The following NRXN3 variants were observed in gnomAD, a reference collection of about 807,000 sequenced individuals.
NRXN3 encodes the protein neurexin 3.
A neutral mutation model predicts 137.6 loss-of-function variants in NRXN3; 32 were observed. The observed-to-expected ratio is 0.23, with a 90% CI of 0.18 to 0.31. The LOEUF (loss-of-function observed/expected upper bound fraction) is 0.31. NRXN3 is among the 10% of genes least tolerant of loss of function. The pLI is 1.00. For synonymous variants in NRXN3, 798 were observed against 784.5 expected, an observed-to-expected ratio of 1.02 and a Z score of -0.29; for missense variants, 1,574 against 2,062.5, an observed-to-expected ratio of 0.76 and a Z score of 4.59.
intron 7 of NRXN3, among the ~76,000 whole-genome samples, chr14:78,711,249 C>A (rs955939459): frequency 6.6e-5 from 10 of 151,900 alleles, no homozygotes; most frequent in Admixed American, 2.0e-4. Context: ...CTAAAACACA[C>A]AAAATTGCCA....
chr14:78,840,158 A>T (rs2099008174), intron 10 of NRXN3, among the ~76,000 whole-genome samples: 1 of 152,186 alleles, frequency 6.6e-6, no homozygotes. Context: ...ATTAAGTAGG[A>T]ATGGACATAA....
intron 15 of NRXN3, among the ~76,000 whole-genome samples, chr14:79,307,841 G>T: frequency 6.9e-6 from 1 of 145,930 alleles, no homozygotes; most frequent in African/African-American, 2.5e-5. Context: ...GTCTTCTTTT[G>T]GTCAAGCCAT....
intron 4 of NRXN3, among the ~76,000 whole-genome samples, chr14:78,503,049 T>C (rs1364625421): frequency 6.6e-6 from 1 of 152,178 alleles, no homozygotes. Flanking sequence ...CCATATTATT[T>C]TATATTAAAC....
chr14:78,523,213 A>G (rs2096311453), intron 4 of NRXN3, among the ~76,000 whole-genome samples: 1 of 152,156 alleles, frequency 6.6e-6, no homozygotes, highest in Admixed American at 6.5e-5. Context: ...AACAAATACC[A>G]TTTGTGCCTC....
At chr14:79,822,427 C>G (rs2099275394) in intron 20 of NRXN3, among the ~76,000 whole-genome samples, 1 of 152,118 alleles carries the variant, frequency 6.6e-6, no homozygotes, top group African/African-American at 2.4e-5. Flanking sequence ...TTTACAAAAG[C>G]AGCATTTTGT....
chr14:78,612,880 G>C (rs948519407), intron 4 of NRXN3, among the ~76,000 whole-genome samples: 2 of 151,622 alleles, frequency 1.3e-5, no homozygotes, highest in Non-Finnish European at 2.9e-5. Context: ...AGGAAAACCA[G>C]CTGCTAAAAT....
chr14:79,580,515 GAT>G (rs2097705195), intron 16 of NRXN3, among the ~76,000 whole-genome samples: 1 of 151,832 alleles, frequency 6.6e-6, no homozygotes, highest in South Asian at 2.1e-4. Flanking sequence ...CCTAGGGTAG[GAT>G]ATATTCTGAG....
chr14:78,878,899 C>T (rs2099120637), intron 10 of NRXN3, among the ~76,000 whole-genome samples: 1 of 152,082 alleles, frequency 6.6e-6, no homozygotes. Context: ...TCTACTCTCT[C>T]CTGCTATGAG....
At chr14:79,015,934 C>T (rs1214490805) in intron 15 of NRXN3, among the ~76,000 whole-genome samples, 1 of 152,132 alleles carries the variant, frequency 6.6e-6, no homozygotes, top group Non-Finnish European at 1.5e-5. Context: ...CCTAAAGGCC[C>T]TCTGCTCTTT....
chr14:78,915,136 A>T (rs573621552), intron 10 of NRXN3, among the ~76,000 whole-genome samples: 1 of 152,158 alleles, frequency 6.6e-6, no homozygotes, highest in East Asian at 1.9e-4. Context: ...GGCTCAATAA[A>T]TTGCCTTCCA....
chr14:79,612,746 G>T (rs1404911528), intron 16 of NRXN3, among the ~76,000 whole-genome samples: 1 of 152,158 alleles, frequency 6.6e-6, no homozygotes, highest in Non-Finnish European at 1.5e-5. Context: ...AGCTACTCAG[G>T]AGGCTGAGGT....
chr14:78,612,106 A>G (rs2097305460), intron 4 of NRXN3, among the ~76,000 whole-genome samples: 1 of 152,208 alleles, frequency 6.6e-6, no homozygotes, highest in Non-Finnish European at 1.5e-5. Flanking sequence ...TGAGGTCCAG[A>G]GGACATCACT....
chr14:79,122,073 G>A (rs915153818), intron 15 of NRXN3, among the ~76,000 whole-genome samples: 3 of 152,054 alleles, frequency 2.0e-5, no homozygotes, highest in Non-Finnish European at 4.4e-5. Flanking sequence ...ATTCCACTGC[G>A]GCTCTTTTTG....
intron 15 of NRXN3, among the ~76,000 whole-genome samples, chr14:79,410,202 C>T (rs150429470): frequency 2.7e-4 from 41 of 151,958 alleles, no homozygotes; most frequent in African/African-American, 8.2e-4. Context: ...CACACACACA[C>T]GCACACACAC....
chr14:78,233,379 T>C (rs971636096), intron 1 of NRXN3, among the ~76,000 whole-genome samples: 2 of 152,302 alleles, frequency 1.3e-5, no homozygotes, highest in African/African-American at 4.8e-5. Context: ...CTACTTGTCC[T>C]TCAAGTTTCC....
chr14:79,644,683 A>C (rs1026176366), intron 16 of NRXN3, among the ~76,000 whole-genome samples: 1 of 136,176 alleles, frequency 7.3e-6, no homozygotes, highest in Non-Finnish European at 1.7e-5. Flanking sequence ...AGCCTTTAAA[A>C]ATTATCAAAG....
chr14:79,470,145 G>A (rs1357253150), intron 16 of NRXN3, among the ~76,000 whole-genome samples: 1 of 152,170 alleles, frequency 6.6e-6, no homozygotes, highest in Non-Finnish European at 1.5e-5. Flanking sequence ...GCATAAGGCA[G>A]AAGATGCTAT....
chr14:79,584,759 G>GT (rs1194788325), intron 16 of NRXN3, among the ~76,000 whole-genome samples: 2 of 152,180 alleles, frequency 1.3e-5, no homozygotes, highest in Non-Finnish European at 2.9e-5. Context: ...TATAGCACTT[G>GT]TAAGAGCAGG....
intron 15 of NRXN3, among the ~76,000 whole-genome samples, chr14:79,457,387 A>G (rs1023266074): frequency 6.6e-6 from 1 of 152,218 alleles, no homozygotes; most frequent in Non-Finnish European, 1.5e-5. Context: ...AGTGCCTGTT[A>G]GTTATTTTGA....
Sources: allele counts gnomAD v4.1 joint callset (sites outside exome capture counted in the v4.1 genomes callset), GRCh38; gene constraint gnomAD v4.1.1; transcripts MANE v1.5; gene names NCBI Gene and HGNC (gene_info 2026-07-23, HGNC 2026-07-21).